SYNDIG1: variants seen among roughly 807,000 people sequenced by gnomAD.
SYNDIG1 encodes synapse differentiation inducing 1, also known as synapse differentiation-inducing gene protein 1.
SYNDIG1 carries 9 observed loss-of-function variants against 19.4 expected under a neutral mutation model. The observed-to-expected ratio is 0.46, with a 90% CI of 0.28 to 0.81. The LOEUF (loss-of-function observed/expected upper bound fraction) is 0.81, where lower values mean the gene tolerates loss of function less well. Among genes scored for constraint, SYNDIG1 ranks in the 30% least tolerant of loss-of-function variants. The pLI is 0.12. For missense variants in SYNDIG1, 311 were observed against 343.3 expected (o/e 0.91, Z 0.74); for synonymous variants, 141 against 145.9 (o/e 0.97, Z 0.24).
At position 24,533,878 on chromosome 20, in the gene SYNDIG1, C is replaced by A. The variant is rs11907442; in HGVS notation, c.-78-9142C>A. 3.3e-5 allele frequency among the ~76,000 whole-genome samples: 5 copies of A among 152,148 alleles called. No individual in the cohort carries two copies. The East Asian group carries it at 9.6e-4, about 29-fold the overall frequency. On this transcript the variant is annotated intron_variant, in intron 1 of 3. Transcript: ENST00000376862. ...CCCTGTGTTAGTCCATTTTGCATGG[C>A]TATAAAGGTATTCACCTAAGCCTGG...
At chr20:24,613,038 C>G (rs549708336) in intron 3 of SYNDIG1, among the ~76,000 whole-genome samples, 1 of 152,136 alleles carries the variant, frequency 6.6e-6, no homozygotes, top group Non-Finnish European at 1.5e-5. Flanking sequence ...GAGATGGCAC[C>G]GTGGGATGGG....
At chr20:24,530,772 T>A (rs1329310497) in intron 1 of SYNDIG1, among the ~76,000 whole-genome samples, 1 of 152,026 alleles carries the variant, frequency 6.6e-6, no homozygotes, top group African/African-American at 2.4e-5. Flanking sequence ...TGCAATTAGT[T>A]TTGTGGGGGG....
chr20:24,605,508 A>C (rs1015427078), intron 3 of SYNDIG1, among the ~76,000 whole-genome samples: 1 of 152,130 alleles, frequency 6.6e-6, no homozygotes, highest in Non-Finnish European at 1.5e-5. Context: ...CTGTTTTGCA[A>C]CTTCTGGATT....
chr20:24,638,625 C>T (rs897026425), intron 3 of SYNDIG1, among the ~76,000 whole-genome samples: 10 of 152,078 alleles, frequency 6.6e-5, no homozygotes, highest in African/African-American at 2.4e-5. Context: ...GACCTCCCAA[C>T]GGGCTGGGAT....
At chr20:24,586,635 C>A (rs112626640) in intron 3 of SYNDIG1, among the ~76,000 whole-genome samples, 1 of 152,208 alleles carries the variant, frequency 6.6e-6, no homozygotes, top group African/African-American at 2.4e-5. Flanking sequence ...AACGCACCCC[C>A]GAAGCCTCCC....
At chr20:24,601,318 A>G (rs577903588) in intron 3 of SYNDIG1, among the ~76,000 whole-genome samples, 6 of 152,174 alleles carry the variant, frequency 3.9e-5, no homozygotes, top group Admixed American at 6.5e-5. Context: ...TTTGATATCA[A>G]TGTTACTCTG....
At chr20:24,662,552 G>A (rs1029843065) in intron 3 of SYNDIG1, among the ~76,000 whole-genome samples, 2 of 152,096 alleles carry the variant, frequency 1.3e-5, no homozygotes, top group Admixed American at 1.3e-4. Flanking sequence ...CTTGTGCCCT[G>A]GGCTGTTAAG....
intron 1 of SYNDIG1, among the ~76,000 whole-genome samples, chr20:24,520,211 G>C (rs935502814): frequency 3.3e-5 from 5 of 151,134 alleles, no homozygotes; most frequent in South Asian, 2.1e-4. Flanking sequence ...AAATATTGTG[G>C]TGCTTATATA....
chr20:24,530,325 G>C (rs1600535462), intron 1 of SYNDIG1, among the ~76,000 whole-genome samples: 1 of 152,288 alleles, frequency 6.6e-6, no homozygotes, highest in Admixed American at 6.5e-5. Context: ...ACCAGCAGAA[G>C]TTTGGGTTGG....
chr20:24,573,843 C>G (rs1000922903), intron 2 of SYNDIG1, among the ~76,000 whole-genome samples: 2 of 152,194 alleles, frequency 1.3e-5, no homozygotes, highest in African/African-American at 4.8e-5. Context: ...ACCCCCAGTT[C>G]CTCCACAGGC....
intron 1 of SYNDIG1, among the ~76,000 whole-genome samples, chr20:24,527,785 A>G (rs6049757): frequency 0.76 from 116,069 of 152,096 alleles, 44,751 homozygotes; most frequent in African/African-American, 0.88. Flanking sequence ...AGCGTCACCT[A>G]TGAGCTTCTT....
chr20:24,518,297 G>C (rs1397739288), intron 1 of SYNDIG1, among the ~76,000 whole-genome samples: 1 of 152,032 alleles, frequency 6.6e-6, no homozygotes, highest in African/African-American at 2.4e-5. Context: ...GGCCGGCTCT[G>C]GACTGGTACT....
chr20:24,541,735 T>C (rs1468025813), intron 1 of SYNDIG1, among the ~76,000 whole-genome samples: 1 of 152,178 alleles, frequency 6.6e-6, no homozygotes, highest in Non-Finnish European at 1.5e-5. Flanking sequence ...TTCATCTCTG[T>C]AGCTACTGGT....
intron 2 of SYNDIG1, among the ~76,000 whole-genome samples, chr20:24,574,573 T>C (rs2058197125): frequency 6.6e-6 from 1 of 152,186 alleles, no homozygotes; most frequent in African/African-American, 2.4e-5. Context: ...CACTGAGCAC[T>C]TCCAGGCCAC....
intron 2 of SYNDIG1, among the ~76,000 whole-genome samples, chr20:24,554,945 T>A (rs886694577): frequency 7.2e-5 from 11 of 152,142 alleles, no homozygotes; most frequent in African/African-American, 2.7e-4. Context: ...GGACTCTTTT[T>A]GGTTGGTAAG....
At chr20:24,645,892 G>A (rs573766363) in intron 3 of SYNDIG1, among the ~76,000 whole-genome samples, 31 of 152,164 alleles carry the variant, frequency 2.0e-4, no homozygotes, top group Non-Finnish European at 4.1e-4. Context: ...AGAACACCTG[G>A]TGCTGGCCAG....
At chr20:24,606,685 T>C (rs919512625) in intron 3 of SYNDIG1, among the ~76,000 whole-genome samples, 2 of 152,156 alleles carry the variant, frequency 1.3e-5, no homozygotes, top group Non-Finnish European at 2.9e-5. Context: ...GGAGTTTAGA[T>C]TCTGTGCTAC....
At chr20:24,639,696 A>G (rs2059351905) in intron 3 of SYNDIG1, among the ~76,000 whole-genome samples, 1 of 152,272 alleles carries the variant, frequency 6.6e-6, no homozygotes, top group Admixed American at 6.5e-5. Context: ...TAAACTATGA[A>G]AAAACAGGGT....
intron 1 of SYNDIG1, among the ~76,000 whole-genome samples, chr20:24,504,616 TCA>T (rs2056541615): frequency 6.6e-6 from 1 of 152,160 alleles, no homozygotes; most frequent in South Asian, 2.1e-4. Flanking sequence ...TTCTTAGTTT[TCA>T]GTTTTCTTCA....
Sources: gnomAD v4.1 joint callset for allele counts (sites outside exome capture counted in the v4.1 genomes callset) on GRCh38, gnomAD v4.1.1 for gene constraint, MANE v1.5 for transcripts, NCBI Gene and HGNC (gene_info 2026-07-23, HGNC 2026-07-21) for gene names.